Variants in PCM1 observed in about 807,000 individuals in gnomAD.
PCM1 encodes the protein pericentriolar material 1, also known as pericentriolar material 1 protein.
A neutral mutation model predicts 241.9 loss-of-function variants in PCM1; 157 were observed. That is an observed-to-expected ratio of 0.65 (90% confidence interval 0.57 to 0.74). The LOEUF (loss-of-function observed/expected upper bound fraction) is 0.74. Ranked by LOEUF, PCM1 falls within the 30% of genes least tolerant of loss-of-function variation. The probability of loss-of-function intolerance (pLI) is 0.00; values close to 1 mark genes in which losing one functional copy is unlikely to be tolerated. For missense variants in PCM1, 3,478 were observed against 2,360.1 expected (o/e 1.47, Z -9.81); for synonymous variants, 1,085 against 784.9 (o/e 1.38, Z -6.39).
intron 21 of PCM1, among the ~76,000 whole-genome samples, chr8:17,969,258 T>G (rs942783518): frequency 6.6e-6 from 1 of 152,104 alleles, no homozygotes; most frequent in Non-Finnish European, 1.5e-5. Flanking sequence ...TTACTTGGTT[T>G]TAAGTATTAA....
At chr8:17,933,810 T>C (rs2059689928) in intron 2 of PCM1, among the ~76,000 whole-genome samples, 1 of 152,156 alleles carries the variant, frequency 6.6e-6, no homozygotes, top group African/African-American at 2.4e-5. Context: ...TGATAGAATT[T>C]CTGAAAGAAT....
rs2078694709 is a variant in PCM1, at chr8:17,976,137, C to A, written c.3943+3450C>A. Among the ~76,000 whole-genome samples the A allele has an allele frequency of 3.9e-5, 6 of 152,152 alleles. 1 individual carries two copies. In the South Asian group the frequency reaches 1.2e-3, roughly 32 times the overall value. ...AGATGGACATGAAATGGACGTGAAA[C>A]ATTAGGCAAGGCAAGGCCTGACAGA... On this transcript the variant is annotated intron_variant, in intron 23 of 38. Transcript: ENST00000325083.
chr8:17,953,775 C>A (rs1269127949), intron 9 of PCM1, among the ~76,000 whole-genome samples: 1 of 152,162 alleles, frequency 6.6e-6, no homozygotes, highest in Non-Finnish European at 1.5e-5. Flanking sequence ...TAAATCAGAT[C>A]TAGTCTTCAG....
intron 6 of PCM1, 82 bp downstream of exon 6, chr8:17,939,943 C>T (rs1586027816): frequency 4.5e-6 from 5 of 1,099,684 alleles, no homozygotes; most frequent in Admixed American, 4.1e-5. Context: ...GATGCCACCC[C>T]AGAGGAGTTA....
At chr8:17,942,430 T>C (rs1053115228) in intron 6 of PCM1, among the ~76,000 whole-genome samples, 5 of 151,818 alleles carry the variant, frequency 3.3e-5, no homozygotes, top group Non-Finnish European at 7.4e-5. Context: ...CACTCCAGCA[T>C]GGGTGACAGA....
chr8:18,008,881 C>G (rs1183241566), intron 30 of PCM1, among the ~76,000 whole-genome samples: 1 of 152,134 alleles, frequency 6.6e-6, no homozygotes, highest in Non-Finnish European at 1.5e-5. Flanking sequence ...AAGAAATCAC[C>G]AACGTTCAAG....
chr8:18,012,401 T>C (rs1261918578), intron 34 of PCM1, among the ~76,000 whole-genome samples: 1 of 152,178 alleles, frequency 6.6e-6, no homozygotes. Flanking sequence ...AATTAATTAT[T>C]CTATTATTAG....
intron 29 of PCM1, among the ~76,000 whole-genome samples, chr8:18,001,561 T>C (rs577299421): frequency 5.9e-5 from 9 of 152,368 alleles, no homozygotes; most frequent in Admixed American, 2.0e-4. Flanking sequence ...ACAGGACTTC[T>C]TTCTGAGATG....
At position 18,028,748 on chromosome 8, in the gene PCM1, T is replaced by G. The variant is rs2094378324; in HGVS notation, c.*1086T>G. 1.0e-5 allele frequency: 2 copies of G among 195,970 alleles called. No individual in the cohort carries two copies. The highest frequency in any genetic ancestry group is 4.6e-5 in the African/African-American group (2 of 43,320). The allele number at this position is 195,970 out of a possible 1,614,324, so 12.1% of individuals were successfully genotyped here. A position where few individuals can be genotyped will look rare whatever the true frequency, so the allele number is the denominator to read the frequency against. On this transcript the variant is annotated 3_prime_UTR_variant, in exon 39 of 39. Transcript: ENST00000325083. ...CAATGAGTAAGTCAATCTTATAGAT[T>G]CTTCTTCCTCGAATAAAATACAAAG...
chr8:17,939,138 T>C (rs2061299540), intron 5 of PCM1, 129 bp downstream of exon 5: 1 of 758,338 alleles, frequency 1.3e-6, no homozygotes, highest in Non-Finnish European at 2.1e-6. Context: ...ACTGACCTCC[T>C]TTGTTAATCT....
At chr8:17,926,341 A>T (rs1171963233) in intron 2 of PCM1, 1 of 152,242 alleles carries the variant, frequency 6.6e-6, no homozygotes, top group Non-Finnish European at 1.5e-5. Context: ...GATTCACAGT[A>T]CAGAACTAAG....
At position 17,952,974 on chromosome 8, in the gene PCM1, C is replaced by T; in HGVS notation, c.1076C>T (p.Pro359Leu). Residue 359 changes from proline (P) to leucine (L), a missense_variant, in exon 9 of 39, where the codon CCA becomes CTA. By Grantham distance (98) the Pro-to-Leu change is moderately conservative (BLOSUM62 -3). Transcript: ENST00000325083. Reference sequence around the variant, plus strand: ...TTGTTGTTTTTTTTTAATAAGCCTCCAGCTGTTCCAGACAATAGAAGACAG... The same window carrying T: ...TTGTTGTTTTTTTTTAATAAGCCTCTAGCTGTTCCAGACAATAGAAGACAG... ...FHNQLRDSQP[P>L]AVPDNRRQAE... The T allele has an allele frequency of 6.4e-7, 1 of 1,557,206 alleles. No individual in the cohort carries two copies. Among genetic ancestry groups the T allele is most frequent in the Non-Finnish European group, 8.7e-7 (1 of 1,151,438 alleles).
At chr8:18,001,303 T>C (rs972419430) in intron 29 of PCM1, among the ~76,000 whole-genome samples, 2 of 152,260 alleles carry the variant, frequency 1.3e-5, no homozygotes, top group African/African-American at 2.4e-5. Context: ...CAAACACTTA[T>C]TGAATGATTG....
intron 7 of PCM1, 106 bp from the exon 8 acceptor site, chr8:17,950,509 A>C: frequency 1.6e-6 from 1 of 641,322 alleles, no homozygotes; most frequent in Non-Finnish European, 2.7e-6. Flanking sequence ...CAAGTTACGT[A>C]TGTGAGCTTT....
At chr8:17,960,843 G>A (rs2071511146) in intron 15 of PCM1, among the ~76,000 whole-genome samples, 1 of 151,994 alleles carries the variant, frequency 6.6e-6, no homozygotes, top group Non-Finnish European at 1.5e-5. Context: ...TAAGGTGACA[G>A]AATTATATCT....
chr8:17,971,682 C>A (rs1451115419), intron 22 of PCM1, among the ~76,000 whole-genome samples: 1 of 152,184 alleles, frequency 6.6e-6, no homozygotes, highest in African/African-American at 2.4e-5. Context: ...TGCTATAGCT[C>A]TTTTTGAGCC....
At chr8:18,024,726 C>T (rs1453356284) in intron 36 of PCM1, among the ~76,000 whole-genome samples, 4 of 152,080 alleles carry the variant, frequency 2.6e-5, no homozygotes, top group African/African-American at 9.7e-5. Flanking sequence ...CATATACTAT[C>T]AAGCTAGATT....
chr8:18,021,348 A>T (rs943447374), intron 36 of PCM1, among the ~76,000 whole-genome samples: 1 of 152,188 alleles, frequency 6.6e-6, no homozygotes, highest in Non-Finnish European at 1.5e-5. Context: ...AAACTCATAA[A>T]GCTGGAAAGA....
rs752623194 is a variant in PCM1 at position 17,966,983 on chromosome 8, G to C, written c.3225G>C (p.Leu1075Phe). 2 of 1,599,732 alleles carry C rather than the reference G, an allele frequency of 1.3e-6. No individual in the cohort carries two copies. The highest frequency in any genetic ancestry group is 2.7e-5 in the African/African-American group (2 of 74,540). ...LTWQQNNVQR[L>F]KQMLNELMRQ... The stretch of plus-strand genomic sequence containing the variant: ...TTACTGACTTAAATCTTTGTAGGTT[G>C]AAACAAATGCTAAATGAACTTATGC... Residue 1075 changes from leucine (L) to phenylalanine (F), a missense_variant, in exon 21 of 39, where the codon TTG (leucine) becomes TTC (phenylalanine). Transcript: ENST00000325083.
Sources: allele counts gnomAD v4.1 joint callset (sites outside exome capture counted in the v4.1 genomes callset), GRCh38; gene constraint gnomAD v4.1.1; transcripts MANE v1.5; gene names NCBI Gene and HGNC (gene_info 2026-07-23, HGNC 2026-07-21).